The following ANO6 variants were observed in gnomAD, a reference collection of about 807,000 sequenced individuals.
ANO6 encodes the protein anoctamin 6, also known as anoctamin-6.
In ANO6, 106 loss-of-function variants were observed where a neutral mutation model predicts 117.5. That is an observed-to-expected ratio of 0.90 (90% confidence interval 0.77 to 1.06). The LOEUF is 1.06. Among genes scored for constraint, ANO6 ranks in the 50% least tolerant of loss-of-function variants. The pLI, the probability that ANO6 is intolerant of heterozygous loss-of-function variation, is 0.00. For missense variants in ANO6, 955 were observed against 1,121.1 expected, an observed-to-expected ratio of 0.85 and a Z score of 2.12; for synonymous variants, 367 against 385.1, an observed-to-expected ratio of 0.95 and a Z score of 0.55.
chr12:45,410,351 T>C (rs892692707), intron 16 of ANO6, among the ~76,000 whole-genome samples: 1 of 152,252 alleles, frequency 6.6e-6, no homozygotes, highest in Non-Finnish European at 1.5e-5. Context: ...TGGCCTGAAT[T>C]TGGAACCATT....
chr12:45,351,561 G>A (rs1941281260), intron 7 of ANO6, among the ~76,000 whole-genome samples: 1 of 152,174 alleles, frequency 6.6e-6, no homozygotes, highest in Admixed American at 6.5e-5. Context: ...TAGGATGGGA[G>A]GGCAGAGTGG....
intron 1 of ANO6, among the ~76,000 whole-genome samples, chr12:45,230,322 C>T (rs879536681): frequency 6.6e-5 from 10 of 151,924 alleles, no homozygotes; most frequent in Non-Finnish European, 1.3e-4. Flanking sequence ...TGGTCTTGAG[C>T]AGCTTCTTAT....
intron 1 of ANO6, among the ~76,000 whole-genome samples, chr12:45,274,809 C>G (rs1435574601): frequency 6.8e-6 from 1 of 147,984 alleles, no homozygotes; most frequent in Non-Finnish European, 1.5e-5. Flanking sequence ...ATCATCCTCT[C>G]CACCCTCTGT....
At chr12:45,301,954 G>A (rs1207419100) in intron 1 of ANO6, 60 bp from the exon 2 acceptor site, 21 of 1,423,686 alleles carry the variant, frequency 1.5e-5, no homozygotes, top group Non-Finnish European at 2.0e-5. Context: ...TAAAAGTACA[G>A]AACTACGTGA....
intron 2 of ANO6, 75 bp downstream of exon 2, chr12:45,302,168 T>C (rs1311685835): frequency 6.7e-6 from 9 of 1,349,122 alleles, no homozygotes; most frequent in Admixed American, 5.1e-5. Flanking sequence ...AAAAAGTTCT[T>C]TTATGAATTC....
At chr12:45,235,514 A>G (rs936219787) in intron 1 of ANO6, among the ~76,000 whole-genome samples, 7 of 152,176 alleles carry the variant, frequency 4.6e-5, no homozygotes, top group African/African-American at 1.7e-4. Flanking sequence ...GCAGTAAACA[A>G]TTCTATTCAA....
At chr12:45,301,863 A>T in intron 1 of ANO6, 151 bp from the exon 2 acceptor site, 1 of 681,242 alleles carries the variant, frequency 1.5e-6, no homozygotes, top group East Asian at 2.7e-5. Context: ...CATATTTTTT[A>T]ATATATCTGA....
intron 2 of ANO6, among the ~76,000 whole-genome samples, chr12:45,328,108 G>T (rs1940533346): frequency 6.6e-6 from 1 of 152,086 alleles, no homozygotes; most frequent in Admixed American, 6.6e-5. Context: ...CCAAGCTTCA[G>T]GATGCATTTT....
intron 2 of ANO6, among the ~76,000 whole-genome samples, chr12:45,330,761 T>G (rs1467072464): frequency 6.6e-6 from 1 of 152,104 alleles, no homozygotes; most frequent in Non-Finnish European, 1.5e-5. Context: ...CAGCTTTTGT[T>G]TATATGGGAG....
chr12:45,347,667 A>G (rs1306197016), intron 4 of ANO6, among the ~76,000 whole-genome samples: 1 of 152,164 alleles, frequency 6.6e-6, no homozygotes, highest in Non-Finnish European at 1.5e-5. Flanking sequence ...AGGTTTAGAA[A>G]ATTAAAAATT....
chr12:45,437,775 G>A (rs1188896644), intron 19 of ANO6, among the ~76,000 whole-genome samples: 1 of 152,030 alleles, frequency 6.6e-6, no homozygotes, highest in Non-Finnish European at 1.5e-5. Flanking sequence ...TTACCATGTT[G>A]CCCAGGCTGG....
chr12:45,364,577 C>G (rs528033211), intron 8 of ANO6, among the ~76,000 whole-genome samples: 2 of 152,156 alleles, frequency 1.3e-5, no homozygotes, highest in South Asian at 4.2e-4. Flanking sequence ...TCATATCTGC[C>G]GAGGAGCCCT....
At chr12:45,405,624 T>C (rs561890002) in intron 15 of ANO6, among the ~76,000 whole-genome samples, 1 of 152,296 alleles carries the variant, frequency 6.6e-6, no homozygotes, top group Admixed American at 6.5e-5. Context: ...ATCAAAGATA[T>C]ATCAGCCAGG....
At chr12:45,318,070 G>T (rs1002053539) in intron 2 of ANO6, among the ~76,000 whole-genome samples, 15 of 152,156 alleles carry the variant, frequency 9.9e-5, no homozygotes, top group African/African-American at 3.1e-4. Flanking sequence ...CCATTCTGTA[G>T]GTTGCTTGTT....
chr12:45,294,753 A>T (rs2137287664), intron 1 of ANO6, among the ~76,000 whole-genome samples: 1 of 152,360 alleles, frequency 6.6e-6, no homozygotes, highest in South Asian at 2.1e-4. Flanking sequence ...CGTTGTAGTT[A>T]TTCGAAAATG....
intron 17 of ANO6, among the ~76,000 whole-genome samples, chr12:45,420,290 C>T (rs1306574747): frequency 6.6e-6 from 1 of 152,112 alleles, no homozygotes; most frequent in Non-Finnish European, 1.5e-5. Context: ...TTATATAAAG[C>T]TCAATTATTT....
intron 12 of ANO6, among the ~76,000 whole-genome samples, chr12:45,390,807 A>G (rs1942428686): frequency 6.6e-6 from 1 of 152,144 alleles, no homozygotes; most frequent in African/African-American, 2.4e-5. Context: ...GAATTCTAAA[A>G]TTTTCCAACA....
At chr12:45,287,683 A>C in intron 1 of ANO6, among the ~76,000 whole-genome samples, 1 of 152,174 alleles carries the variant, frequency 6.6e-6, no homozygotes, top group Non-Finnish European at 1.5e-5. Context: ...AATTTGGTGA[A>C]TTTTGGGGCA....
At chr12:45,358,387 A>G (rs1413505644) in intron 8 of ANO6, among the ~76,000 whole-genome samples, 1 of 152,226 alleles carries the variant, frequency 6.6e-6, no homozygotes, top group Non-Finnish European at 1.5e-5. Context: ...CCTCACTGAA[A>G]AAGAGTTTTG....
Sources: allele counts gnomAD v4.1 joint callset (sites outside exome capture counted in the v4.1 genomes callset), GRCh38; gene constraint gnomAD v4.1.1; transcripts MANE v1.5; gene names NCBI Gene and HGNC (gene_info 2026-07-23, HGNC 2026-07-21).